TECRL: variants seen among roughly 807,000 people sequenced by gnomAD.
TECRL encodes the protein trans-2,3-enoyl-CoA reductase-like.
Under a neutral mutation model 52.8 loss-of-function variants are expected in TECRL, and 63 were observed. The observed-to-expected ratio is 1.19, with a 90% confidence interval of 0.97 to 1.47. TECRL has a LOEUF of 1.47. Among genes scored for constraint, TECRL ranks in the 40% most tolerant of loss-of-function variants. The probability of loss-of-function intolerance (pLI) is 0.00; values close to 1 mark genes in which losing one functional copy is unlikely to be tolerated. For missense variants in TECRL, 482 were observed against 429.6 expected (o/e 1.12, Z -1.08); for synonymous variants, 164 against 141.9 (o/e 1.16, Z -1.10).
In TECRL at chr4:64,278,800, T is replaced by C. The variant is rs1722674833; in HGVS notation, c.*1272A>G. On this transcript the variant is annotated 3_prime_UTR_variant, in exon 12 of 12. Transcript: ENST00000381210. ...TCCCAGCCTGTAGTATCCTCTGTTT[T>C]ATTTTTTACTTCTATGATATCAATT... 1 of 152,190 alleles carries C rather than the reference T, an allele frequency of 6.6e-6. No individual in the cohort carries two copies. The highest frequency in any genetic ancestry group is 6.5e-5 in the Admixed American group (1 of 15,270). The allele number at this position is 152,190 out of a possible 1,614,324, so 9.4% of individuals were successfully genotyped here. A position where few individuals can be genotyped will look rare whatever the true frequency, so the allele number is the denominator to read the frequency against.
intron 2 of TECRL, among the ~76,000 whole-genome samples, chr4:64,344,477 C>T (rs972437690): frequency 2.0e-5 from 3 of 152,032 alleles, no homozygotes; most frequent in Admixed American, 6.6e-5. Context: ...GAAAAGGTAG[C>T]ATCTGGAGTT....
intron 1 of TECRL, among the ~76,000 whole-genome samples, chr4:64,378,215 CAT>C (rs1039448323): frequency 8.5e-5 from 13 of 152,116 alleles, no homozygotes; most frequent in Non-Finnish European, 1.3e-4. Context: ...GAAAGAATCA[CAT>C]GTTAAGCTTG....
intron 1 of TECRL, among the ~76,000 whole-genome samples, chr4:64,376,108 G>A (rs1452852351): frequency 6.6e-6 from 1 of 151,806 alleles, no homozygotes; most frequent in Non-Finnish European, 1.5e-5. Flanking sequence ...AAATGTTGGT[G>A]CATAATAGTC....
intron 1 of TECRL, among the ~76,000 whole-genome samples, chr4:64,377,594 A>G (rs943185423): frequency 6.6e-6 from 1 of 152,088 alleles, no homozygotes; most frequent in Non-Finnish European, 1.5e-5. Flanking sequence ...CTCTTAAAAG[A>G]AAATGAATCT....
At chr4:64,378,083 T>C (rs973330023) in intron 1 of TECRL, among the ~76,000 whole-genome samples, 2 of 152,060 alleles carry the variant, frequency 1.3e-5, no homozygotes, top group African/African-American at 4.8e-5. Context: ...TGAACTGATA[T>C]AAATAATTAG....
intron 2 of TECRL, among the ~76,000 whole-genome samples, chr4:64,350,331 A>G (rs2109569567): frequency 6.6e-6 from 1 of 152,314 alleles, no homozygotes; most frequent in African/African-American, 2.4e-5. Context: ...TGTGGATCTC[A>G]GCTCTGGATG....
intron 4 of TECRL, among the ~76,000 whole-genome samples, chr4:64,316,295 T>C (rs1176035088): frequency 2.0e-5 from 3 of 152,090 alleles, no homozygotes; most frequent in Non-Finnish European, 4.4e-5. Flanking sequence ...TATAATCTTA[T>C]CTCAATCATC....
At chr4:64,301,353 C>T (rs1483920584) in intron 7 of TECRL, among the ~76,000 whole-genome samples, 1 of 151,064 alleles carries the variant, frequency 6.6e-6, no homozygotes. Flanking sequence ...ATTAAACATT[C>T]TGCTTTTGCC....
intron 8 of TECRL, among the ~76,000 whole-genome samples, chr4:64,296,383 C>A (rs1287386371): frequency 1.3e-5 from 2 of 151,310 alleles, no homozygotes; most frequent in East Asian, 1.9e-4. Context: ...ATTTTTTTTT[C>A]TTCTCCAAGA....
intron 1 of TECRL, among the ~76,000 whole-genome samples, chr4:64,384,190 T>A (rs1227645829): frequency 6.6e-6 from 1 of 152,024 alleles, no homozygotes; most frequent in Non-Finnish European, 1.5e-5. Flanking sequence ...ATATTCCAGG[T>A]AGGATGATTC....
intron 2 of TECRL, among the ~76,000 whole-genome samples, chr4:64,354,271 A>G (rs1577923050): frequency 2.0e-5 from 3 of 152,320 alleles, no homozygotes; most frequent in East Asian, 3.9e-4. Context: ...AACAAGATCA[A>G]AGGAGGAAAT....
chr4:64,369,099 T>G (rs78810512), intron 2 of TECRL, among the ~76,000 whole-genome samples: 41 of 152,292 alleles, frequency 2.7e-4, no homozygotes, highest in African/African-American at 9.4e-4. Context: ...TGTATGGTGT[T>G]TTCAACTAAT....
intron 1 of TECRL, among the ~76,000 whole-genome samples, chr4:64,397,172 A>G (rs543000797): frequency 1.1e-4 from 16 of 152,238 alleles, no homozygotes; most frequent in African/African-American, 3.1e-4. Flanking sequence ...TCAGGTTTCT[A>G]TGTAGGGAGA....
intron 4 of TECRL, among the ~76,000 whole-genome samples, chr4:64,320,147 T>C (rs1717801486): frequency 6.6e-6 from 1 of 151,904 alleles, no homozygotes; most frequent in Admixed American, 6.6e-5. Flanking sequence ...CTTCATATAA[T>C]GAGAATTGTT....
At chr4:64,309,794 C>T (rs1184143732) in intron 6 of TECRL, 32 bp downstream of exon 6, 1 of 1,346,730 alleles carries the variant, frequency 7.4e-7, no homozygotes, top group South Asian at 1.2e-5. Context: ...TAAAATGTCT[C>T]AATCATTATT....
chr4:64,370,781 G>A (rs891658489), intron 2 of TECRL, among the ~76,000 whole-genome samples: 4 of 151,580 alleles, frequency 2.6e-5, no homozygotes, highest in African/African-American at 9.7e-5. Context: ...TCTCAAGTAA[G>A]GATCCATGAT....
At chr4:64,368,393 T>G (rs1003089914) in intron 2 of TECRL, among the ~76,000 whole-genome samples, 1 of 152,094 alleles carries the variant, frequency 6.6e-6, no homozygotes, top group Non-Finnish European at 1.5e-5. Context: ...CCTACCAGAT[T>G]CAAGCGATTC....
chr4:64,364,120 A>G (rs1216500356), intron 2 of TECRL, among the ~76,000 whole-genome samples: 1 of 152,108 alleles, frequency 6.6e-6, no homozygotes, highest in Non-Finnish European at 1.5e-5. Context: ...TCAGAGCCAT[A>G]TATCTACGTA....
downstream of TECRL, among the ~76,000 whole-genome samples, chr4:64,277,512 G>A (rs1428676891): frequency 1.3e-5 from 2 of 151,720 alleles, no homozygotes; most frequent in South Asian, 2.1e-4. Context: ...TTAATAGTAT[G>A]CTTTGGGAAT....
Sources: allele counts gnomAD v4.1 joint callset (sites outside exome capture counted in the v4.1 genomes callset), GRCh38; gene constraint gnomAD v4.1.1; transcripts MANE v1.5; gene names NCBI Gene and HGNC (gene_info 2026-07-23, HGNC 2026-07-21).